Variants in CDK15 observed in about 807,000 individuals in gnomAD.
CDK15 encodes cyclin-dependent kinase 15.
A neutral mutation model predicts 60.3 loss-of-function variants in CDK15; 62 were observed. That is an observed-to-expected ratio of 1.03 (90% CI 0.84 to 1.27). The LOEUF is 1.27. Among genes scored for constraint, CDK15 ranks in the 50% most tolerant of loss-of-function variants. The pLI, the probability that CDK15 is intolerant of heterozygous loss-of-function variation, is 0.00. For synonymous variants in CDK15, 194 were observed against 195.7 expected (o/e 0.99, Z 0.07); for missense variants, 541 against 527.8 (o/e 1.03, Z -0.25).
intron 10 of CDK15, among the ~76,000 whole-genome samples, chr2:201,862,118 G>A (rs1267443059): frequency 6.6e-6 from 1 of 152,164 alleles, no homozygotes; most frequent in Non-Finnish European, 1.5e-5. Context: ...TGCCCGTTAA[G>A]GCTGTTCTTA....
intron 7 of CDK15, among the ~76,000 whole-genome samples, chr2:201,834,794 T>G (rs1256209174): frequency 6.6e-6 from 1 of 152,232 alleles, no homozygotes; most frequent in African/African-American, 2.4e-5. Flanking sequence ...GGTGATACTA[T>G]CACTGCAGTA....
rs1698868804 is a variant in CDK15, at chr2:201,872,087, T to A, written c.1010-191T>A. Among the ~76,000 whole-genome samples, 4 of 152,060 alleles carry A rather than the reference T, an allele frequency of 2.6e-5. No homozygotes were observed. In the South Asian group the frequency reaches 8.3e-4, roughly 32 times the overall value. On this transcript the variant is annotated intron_variant, in intron 10 of 13. Transcript: ENST00000652192. ...TTTTGGGAGCACATAATTCAACCCA[T>A]AATAGTGACCTTTCACCAAATCATA...
chr2:201,816,522 T>G (rs552680118), intron 4 of CDK15, among the ~76,000 whole-genome samples: 128 of 150,670 alleles, frequency 8.5e-4, no homozygotes, highest in African/African-American at 2.9e-3. Flanking sequence ...CAAATTTTCT[T>G]TATCCAATCC....
At position 201,890,789 on chromosome 2, in the gene CDK15, G is replaced by A. The variant is rs1265606022; in HGVS notation, c.1203G>A (p.Glu401=). The A allele has an allele frequency of 5.0e-6, 8 of 1,610,152 alleles. No homozygotes were observed. The highest frequency in any genetic ancestry group is 3.3e-5 in the Admixed American group (2 of 59,814). Residue 401 remains glutamate, a synonymous_variant, in exon 13 of 14, where the codon GAG becomes GAA. Coordinates refer to ENST00000652192, the MANE Select transcript of CDK15 (RefSeq NM_001366386.2). ...TCTCTCTTTTCATTCCTACAGAGGA[G>A]TCTTTGTTTACAGTTTCAGGAGTGA... The part of the protein sequence containing the change: ...PSQLYQLPDE[E]SLFTVSGVRL...
chr2:201,883,862 G>A (rs1699366342), intron 12 of CDK15, among the ~76,000 whole-genome samples: 1 of 152,178 alleles, frequency 6.6e-6, no homozygotes, highest in African/African-American at 2.4e-5. Context: ...AATCTTAGCT[G>A]CAGGTTCAGC....
chr2:201,870,538 G>T (rs1468280584), intron 10 of CDK15, among the ~76,000 whole-genome samples: 1 of 146,826 alleles, frequency 6.8e-6, no homozygotes, highest in African/African-American at 2.5e-5. Flanking sequence ...AAAAAAGCGA[G>T]ACTCCCATCT....
intron 10 of CDK15, among the ~76,000 whole-genome samples, chr2:201,861,796 A>G (rs1462322250): frequency 1.3e-5 from 2 of 152,056 alleles, no homozygotes; most frequent in African/African-American, 4.8e-5. Flanking sequence ...CCTGACCTCA[A>G]GTGATCTACC....
intron 10 of CDK15, chr2:201,860,940 G>A: frequency 7.8e-7 from 1 of 1,284,772 alleles, no homozygotes; most frequent in Non-Finnish European, 1.0e-6. Context: ...ATTCTGCTTT[G>A]GGCTCAATGA....
At position 201,806,671 on chromosome 2, in the gene CDK15, C is replaced by A. The variant is rs1457984844; in HGVS notation, c.7C>A (p.Gln3Lys). The A allele has an allele frequency of 1.9e-6, 3 of 1,593,942 alleles. No individual in the cohort carries two copies. The highest frequency in any genetic ancestry group is 2.2e-5 in the East Asian group (1 of 44,778). ...TCCTTGAACCTACAAGATTATGGGTCAAGAGCTGTGTGCAAAGACTGTACA... is the reference window on the plus strand; with the variant it reads ...TCCTTGAACCTACAAGATTATGGGTAAAGAGCTGTGTGCAAAGACTGTACA... MG[Q>K]ELCAKTVQPG... is the part of the protein sequence containing the mutation. Residue 3 changes from glutamine (Q) to lysine (K), a missense_variant, in exon 1 of 14, where the codon CAA (glutamine) becomes AAA (lysine). By Grantham distance (53) the Gln-to-Lys change is moderately conservative. Coordinates refer to ENST00000652192, the MANE Select transcript of CDK15 (RefSeq NM_001366386.2).
chr2:201,821,426 A>G (rs1223785450), intron 4 of CDK15, among the ~76,000 whole-genome samples: 1 of 152,146 alleles, frequency 6.6e-6, no homozygotes, highest in Non-Finnish European at 1.5e-5. Context: ...TCAGGAGGGC[A>G]AAACGACAGA....
At chr2:201,891,080 G>A (rs929219333) in intron 13 of CDK15, among the ~76,000 whole-genome samples, 153 bp downstream of exon 13, 10 of 152,228 alleles carry the variant, frequency 6.6e-5, no homozygotes, top group African/African-American at 2.2e-4. Context: ...GCCTCTTCAG[G>A]CCTCCATTGC....
At chr2:201,872,916 C>A (rs1297913737) in intron 11 of CDK15, among the ~76,000 whole-genome samples, 4 of 152,134 alleles carry the variant, frequency 2.6e-5, no homozygotes, top group Admixed American at 2.6e-4. Flanking sequence ...ATTATTTGAT[C>A]TGAGAGTAAT....
chr2:201,888,329 G>T, intron 12 of CDK15: 1 of 1,360,576 alleles, frequency 7.3e-7, no homozygotes. Flanking sequence ...TCATTATCTC[G>T]TTCCGAAATG....
intron 3 of CDK15, among the ~76,000 whole-genome samples, chr2:201,809,849 GC>G (rs986299545): frequency 2.0e-5 from 3 of 152,030 alleles, no homozygotes; most frequent in Admixed American, 2.0e-4. Context: ...TCTGCCTGGA[GC>G]TGCCTTCCAC....
intron 3 of CDK15, 61 bp downstream of exon 3, chr2:201,808,013 A>G: frequency 7.0e-7 from 1 of 1,419,818 alleles, no homozygotes; most frequent in Non-Finnish European, 9.8e-7. Context: ...CCAATTTCAT[A>G]TTATAAAGCC....
intron 4 of CDK15, 77 bp from the exon 5 acceptor site, chr2:201,822,732 A>G (rs1696285424): frequency 1.2e-6 from 1 of 804,834 alleles, no homozygotes; most frequent in Non-Finnish European, 2.1e-6. Flanking sequence ...TGTTGAAAAA[A>G]TATATACCGT....
rs1010750337 is a variant in CDK15 at position 201,838,434 on chromosome 2, T to G, written c.851+2671T>G. On this transcript the variant is annotated intron_variant, in intron 8 of 13. Coordinates refer to ENST00000652192, the MANE Select transcript of CDK15 (RefSeq NM_001366386.2). ...GCTTAATTTACTTTTAGAGACAGGG[T>G]CTCCCTTGGTTGCCCAGGCTGGAGT... 2.6e-5 allele frequency among the ~76,000 whole-genome samples: 4 copies of G among 152,036 alleles called. No individual in the cohort carries two copies. The South Asian group carries it at 8.3e-4, about 32-fold the overall frequency.
chr2:201,872,341 A>G lies in CDK15; in HGVS notation c.1058+15A>G, dbSNP rs1698879379. The G allele has an allele frequency of 6.2e-7, 1 of 1,612,358 alleles. No homozygotes were observed. Among genetic ancestry groups the G allele is most frequent in the African/African-American group, 1.3e-5 (1 of 74,738 alleles). The stretch of plus-strand genomic sequence containing the variant: ...GTCTGGAACAGGTGAGTACTACCTC[A>G]GGAAGGGATCTTTAAGGGATCTTTA... On this transcript the variant is annotated intron_variant, in intron 11 of 13. Coordinates refer to ENST00000652192, the MANE Select transcript of CDK15 (RefSeq NM_001366386.2).
chr2:201,855,179 G>A (rs1186485732), intron 10 of CDK15, among the ~76,000 whole-genome samples: 2 of 152,194 alleles, frequency 1.3e-5, no homozygotes, highest in African/African-American at 2.4e-5. Flanking sequence ...AATTTGAAAT[G>A]ACTATTACTG....
Sources: allele counts gnomAD v4.1 joint callset (sites outside exome capture counted in the v4.1 genomes callset), GRCh38; gene constraint gnomAD v4.1.1; transcripts MANE v1.5; gene names NCBI Gene and HGNC (gene_info 2026-07-23, HGNC 2026-07-21).